RGS16: variants seen among roughly 807,000 people sequenced by gnomAD.
RGS16 encodes hRGS-r.
RGS16 carries 12 observed loss-of-function variants against 18.1 expected under a neutral mutation model. That is an observed-to-expected ratio of 0.66 (90% confidence interval 0.42 to 1.07). The LOEUF is 1.07. Among genes scored for constraint, RGS16 ranks in the 50% least tolerant of loss-of-function variants. The probability of loss-of-function intolerance (pLI) is 0.00; values close to 1 mark genes in which losing one functional copy is unlikely to be tolerated. For synonymous variants in RGS16, 88 were observed against 102.0 expected, an observed-to-expected ratio of 0.86 and a Z score of 0.83; for missense variants, 238 against 249.2, an observed-to-expected ratio of 0.95 and a Z score of 0.30.
At chr1:182,600,615 T>G (rs1030837369) in intron 4 of RGS16, 102 bp from the exon 5 acceptor site, 5 of 926,420 alleles carry the variant, frequency 5.4e-6, no homozygotes, top group African/African-American at 1.6e-5. Context: ...CATCGGATGC[T>G]GCATCAGGAA....
At position 182,603,240 on chromosome 1, in the gene RGS16, G is replaced by C. The variant is rs1196343839; in HGVS notation, c.144C>G (p.His48Gln). ...TCAGCAACACTTACTTCTCTTTGCT[G>C]TGTTTACTGCCCCACTCGAACTTGC... ...STGKFEWGSK[H>Q]SKENRNFSED... Residue 48 changes from histidine (H) to glutamine (Q), a missense_variant, in exon 2 of 5, where the codon CAC becomes CAG. His to Gln is a conservative substitution (Grantham distance 24, BLOSUM62 0). Coordinates refer to ENST00000367558, the MANE Select transcript of RGS16 (RefSeq NM_002928.4). The C allele has an allele frequency of 1.2e-6, 2 of 1,612,388 alleles. No individual in the cohort carries two copies. The highest frequency in any genetic ancestry group is 1.7e-6 in the Non-Finnish European group (2 of 1,178,432).
chr1:182,603,331 T>C lies in RGS16; in HGVS notation c.53A>G (p.Glu18Gly). The C allele has an allele frequency of 1.2e-6, 2 of 1,613,774 alleles. No homozygotes were observed. Among genetic ancestry groups the C allele is most frequent in the Middle Eastern group, 1.6e-4 (1 of 6,062 alleles). ...AAAGATCCCCAGACGTGTCTTGAAC[T>C]CTTTGGCTCTGAAAAACAAATCAGG... ...FPTTCLERAK[E>G]FKTRLGIFLH... Residue 18 changes from glutamate (E) to glycine (G), a missense_variant, in exon 2 of 5, where the codon GAG (glutamate) becomes GGG (glycine). Glu to Gly is a moderately conservative substitution (Grantham distance 98). Transcript: ENST00000367558.
At chr1:182,601,537 A>G (rs1399551967) in intron 4 of RGS16, among the ~76,000 whole-genome samples, 1 of 152,240 alleles carries the variant, frequency 6.6e-6, no homozygotes, top group Non-Finnish European at 1.5e-5. Context: ...TAGCAAATGC[A>G]GCTGCCATGC....
In RGS16 at chr1:182,599,731, T is replaced by C. The variant is rs1251855885; in HGVS notation, c.*561A>G. The C allele has an allele frequency of 1.3e-5, 2 of 154,846 alleles. No homozygotes were observed. Among genetic ancestry groups the C allele is most frequent in the Non-Finnish European group, 2.9e-5 (2 of 69,828 alleles). 9.6% of individuals were successfully genotyped at this position (154,846 alleles called of 1,614,324 possible). ...GCAAGGCTGGACAGACACACAGGAG[T>C]GTTACGAGGTACAAGCTAAGGGACT... On this transcript the variant is annotated 3_prime_UTR_variant, in exon 5 of 5. Transcript: ENST00000367558.
At chr1:182,602,159 T>C (rs1345692973) in intron 3 of RGS16, 27 bp from the exon 4 acceptor site, 4 of 1,612,066 alleles carry the variant, frequency 2.5e-6, no homozygotes, top group Non-Finnish European at 3.4e-6. Flanking sequence ...GAAGAGGAAA[T>C]AGGTCAGCTG....
Position 182,604,268 on chromosome 1 carries a change from G to A in RGS16, c.-9C>T. ...GCCAGGGTGCGGCACATGGCTGCGG[G>A]CGCAGGGCAGCACGTAGTAGGCAGG... On this transcript the variant is annotated 5_prime_UTR_variant, in exon 1 of 5. Transcript: ENST00000367558. The A allele has an allele frequency of 6.5e-7, 1 of 1,549,668 alleles. No homozygotes were observed.
chr1:182,599,036 C>T lies in RGS16; in HGVS notation c.*1256G>A, dbSNP rs910921205. ...CACAAAGGGGCTGCCCTGGGTAGTT[C>T]ACTTCCCCAGCCTGGGCTCTGCCGC... On this transcript the variant is annotated 3_prime_UTR_variant, in exon 5 of 5. Transcript: ENST00000367558. 6.5e-6 allele frequency: 1 copy of T among 153,194 alleles called. No individual in the cohort carries two copies. The highest frequency in any genetic ancestry group is 1.5e-5 in the Non-Finnish European group (1 of 68,688). 9.5% of individuals were successfully genotyped at this position (153,194 alleles called of 1,614,324 possible).
chr1:182,603,440 CT>C lies in RGS16; in HGVS notation c.45-102del, dbSNP rs140098774. 1.0e-3 allele frequency: 893 copies of C among 887,112 alleles called. 9 individuals carry two copies. The African/African-American group carries it at 0.013, about 13-fold the overall frequency. The allele number at this position is 887,112 out of a possible 1,614,324, so 55.0% of individuals were successfully genotyped here. A position where few individuals can be genotyped will look rare whatever the true frequency, so the allele number is the denominator to read the frequency against. On this transcript the variant is annotated intron_variant, in intron 1 of 4. Coordinates refer to ENST00000367558, the MANE Select transcript of RGS16 (RefSeq NM_002928.4). ...AGAGCTCTGGGTGGTGCCACCCAAA[CT>C]TTAGCCTCAAGAGTTCCTGGAAACT...
chr1:182,604,167 C>G (rs1436357852), intron 1 of RGS16, 49 bp downstream of exon 1: 10 of 1,548,804 alleles, frequency 6.5e-6, no homozygotes, highest in African/African-American at 1.4e-5. Flanking sequence ...GCTCCACTCC[C>G]TAAGAGTTGG....
Position 182,600,003 on chromosome 1 carries a change from C to G in RGS16, c.*289G>C. 2.1e-6 allele frequency: 1 copy of G among 484,160 alleles called. No individual in the cohort carries two copies. The highest frequency in any genetic ancestry group is 3.7e-6 in the Non-Finnish European group (1 of 268,040). 30.0% of individuals were successfully genotyped at this position (484,160 alleles called of 1,614,324 possible). A position where few individuals can be genotyped will look rare whatever the true frequency, so the allele number is the denominator to read the frequency against. Reference sequence around the variant, plus strand: ...GGTGAGAACGAGAGCCAGTGCTAACCCCCATACCACCTTTTTGCCCCACAG... The same window carrying G: ...GGTGAGAACGAGAGCCAGTGCTAACGCCCATACCACCTTTTTGCCCCACAG... On this transcript the variant is annotated 3_prime_UTR_variant, in exon 5 of 5. Coordinates refer to ENST00000367558, the MANE Select transcript of RGS16 (RefSeq NM_002928.4).
chr1:182,601,914 G>A (rs1401706493), intron 4 of RGS16, 52 bp downstream of exon 4: 1 of 1,604,938 alleles, frequency 6.2e-7, no homozygotes, highest in Non-Finnish European at 8.5e-7. Context: ...TTCTCAGAGG[G>A]GAAGGAGCAG....
Position 182,600,520 on chromosome 1 carries a change from G to T in RGS16, c.388-7C>A. On this transcript the variant is annotated splice_polypyrimidine_tract_variant and splice_region_variant and intron_variant, in intron 4 of 4. Coordinates refer to ENST00000367558, the MANE Select transcript of RGS16 (RefSeq NM_002928.4). ...TCTCATGGTCAATGTTGACCTGCGG[G>T]AAGGAGGACACACACAGGGTGAGTT... The T allele has an allele frequency of 1.2e-6, 2 of 1,612,420 alleles. No individual in the cohort carries two copies. The highest frequency in any genetic ancestry group is 1.7e-6 in the Non-Finnish European group (2 of 1,178,540).
intron 4 of RGS16, among the ~76,000 whole-genome samples, chr1:182,601,640 C>T (rs1231642813): frequency 6.6e-6 from 1 of 152,216 alleles, no homozygotes; most frequent in Non-Finnish European, 1.5e-5. Context: ...AGCCAGGTTA[C>T]ATAAGGTCCC....
At position 182,600,409 on chromosome 1, in the gene RGS16, C is replaced by T; in HGVS notation, c.492G>A (p.Glu164=). The change falls in exon 5 of 5, where the codon GAG becomes GAA. Residue 164 remains glutamate, a synonymous_variant. Transcript: ENST00000367558. ...TCAGGAAGCGTGGGTAGGAGTCCTTCTCCATCAGGGTACGTGTCTTCCCCT... is the reference window on the plus strand; with the variant it reads ...TCAGGAAGCGTGGGTAGGAGTCCTTTTCCATCAGGGTACGTGTCTTCCCCT... ...AAQGKTRTLM[E]KDSYPRFLKS... The T allele has an allele frequency of 1.9e-6, 3 of 1,614,072 alleles. No individual in the cohort carries two copies. The highest frequency in any genetic ancestry group is 2.5e-6 in the Non-Finnish European group (3 of 1,179,990).
intron 1 of RGS16, among the ~76,000 whole-genome samples, chr1:182,603,757 G>T (rs1271915942): frequency 6.6e-6 from 1 of 151,476 alleles, no homozygotes; most frequent in Non-Finnish European, 1.5e-5. Flanking sequence ...CTGTTGAGTA[G>T]CTCTCTGGAA....
At chr1:182,602,382 G>T in intron 3 of RGS16, 38 bp downstream of exon 3, 1 of 1,588,162 alleles carries the variant, frequency 6.3e-7, no homozygotes, top group Non-Finnish European at 8.6e-7. Context: ...GAGTACACAT[G>T]TGCCACCCAG....
chr1:182,601,956 G>A lies in RGS16; in HGVS notation c.387+10C>T, dbSNP rs1661871185. ...TCGTGAGGATTCACTGGGCATATGG[G>A]GGCTCTAACCTCTTTAGGGGCCTCA... On this transcript the variant is annotated intron_variant, in intron 4 of 4. Coordinates refer to ENST00000367558, the MANE Select transcript of RGS16 (RefSeq NM_002928.4). The A allele has an allele frequency of 6.2e-7, 1 of 1,613,912 alleles. No individual in the cohort carries two copies. The highest frequency in any genetic ancestry group is 1.7e-5 in the Admixed American group (1 of 59,996).
At chr1:182,603,583 G>A (rs561856805) in intron 1 of RGS16, among the ~76,000 whole-genome samples, 43 of 152,276 alleles carry the variant, frequency 2.8e-4, no homozygotes, top group Admixed American at 1.0e-3. Flanking sequence ...TAATACACAC[G>A]CTGCATATAT....
At chr1:182,601,444 A>G (rs1221097427) in intron 4 of RGS16, among the ~76,000 whole-genome samples, 2 of 152,250 alleles carry the variant, frequency 1.3e-5, no homozygotes, top group African/African-American at 4.8e-5. Context: ...ATTATGTGGA[A>G]TCAATCAGCG....
Sources: gnomAD v4.1 joint callset for allele counts (sites outside exome capture counted in the v4.1 genomes callset) on GRCh38, gnomAD v4.1.1 for gene constraint, MANE v1.5 for transcripts, NCBI Gene and HGNC (gene_info 2026-07-23, HGNC 2026-07-21) for gene names.